CSTPP1: variants seen among roughly 807,000 people sequenced by gnomAD.
CSTPP1 encodes the protein centriolar satellite-associated tubulin polyglutamylase complex regulator 1, also known as UPF0705 protein C11orf49.
chr11:47,069,771 C>G, the CSTPP1 span, among the ~76,000 whole-genome samples: 1 of 151,972 alleles, frequency 6.6e-6, no homozygotes, highest in South Asian at 2.1e-4. Context: ...TGCAGTGGCA[C>G]GATCTCACTC....
At chr11:47,089,558 A>G in the CSTPP1 span, among the ~76,000 whole-genome samples, 1 of 152,256 alleles carries the variant, frequency 6.6e-6, no homozygotes, top group Non-Finnish European at 1.5e-5. Context: ...AGCGGCTGAC[A>G]TGGTAGAACT....
At chr11:47,152,137 C>A in the CSTPP1 span, among the ~76,000 whole-genome samples, 2 of 151,976 alleles carry the variant, frequency 1.3e-5, no homozygotes, top group Non-Finnish European at 2.9e-5. Context: ...GTAATCCCAG[C>A]TGCTAGGGAG....
At chr11:46,985,263 G>C in the CSTPP1 span, among the ~76,000 whole-genome samples, 4,079 of 152,240 alleles carry the variant, frequency 0.027, 171 homozygotes, top group African/African-American at 0.092. Flanking sequence ...GTCAAATGAA[G>C]ACTTTTGGGC....
At chr11:46,997,021 C>T in the CSTPP1 span, among the ~76,000 whole-genome samples, 4 of 152,128 alleles carry the variant, frequency 2.6e-5, no homozygotes, top group East Asian at 5.8e-4. Context: ...ATGAATCTGA[C>T]AATTTTGTGT....
At chr11:47,104,319 A>C in the CSTPP1 span, among the ~76,000 whole-genome samples, 1 of 152,186 alleles carries the variant, frequency 6.6e-6, no homozygotes, top group Non-Finnish European at 1.5e-5. Context: ...TTCAAAATCT[A>C]ACACATTGTC....
the CSTPP1 span, among the ~76,000 whole-genome samples, chr11:46,990,074 C>G: frequency 6.6e-6 from 1 of 152,144 alleles, no homozygotes; most frequent in African/African-American, 2.4e-5. Context: ...GACTCCATGT[C>G]TTTGCTATTG....
At chr11:47,039,039 A>G in the CSTPP1 span, among the ~76,000 whole-genome samples, 1 of 115,896 alleles carries the variant, frequency 8.6e-6, no homozygotes, top group African/African-American at 2.7e-5. Flanking sequence ...CCGGGCAGAG[A>G]CGCTCCTCAC....
At chr11:47,037,146 G>A in the CSTPP1 span, among the ~76,000 whole-genome samples, 86 of 126,462 alleles carry the variant, frequency 6.8e-4, 7 homozygotes, top group African/African-American at 2.0e-3. Flanking sequence ...CAGCTTGAAG[G>A]GCTTCCATGG....
At chr11:47,160,689 A>ATT in the CSTPP1 span, 20 of 154,304 alleles carry the variant, frequency 1.3e-4, no homozygotes, top group South Asian at 4.0e-4. Flanking sequence ...CAGAGGCAGC[A>ATT]TTTTTTTTTT....
the CSTPP1 span, among the ~76,000 whole-genome samples, chr11:47,138,910 G>T: frequency 6.8e-6 from 1 of 146,226 alleles, no homozygotes; most frequent in Non-Finnish European, 1.5e-5. Context: ...AACCTGGGAG[G>T]CGGAGGTTGC....
the CSTPP1 span, among the ~76,000 whole-genome samples, chr11:46,995,410 A>G: frequency 6.6e-6 from 1 of 152,120 alleles, no homozygotes; most frequent in African/African-American, 2.4e-5. Context: ...CCTTGTGGGC[A>G]TTTAGTGCTA....
At chr11:46,938,761 CTT>C in the CSTPP1 span, among the ~76,000 whole-genome samples, 5 of 123,596 alleles carry the variant, frequency 4.0e-5, no homozygotes, top group African/African-American at 1.1e-4. Flanking sequence ...CCATGCACAT[CTT>C]TTTTTTTTTT....
chr11:46,984,082 G>A, the CSTPP1 span, among the ~76,000 whole-genome samples: 21,809 of 152,118 alleles, frequency 0.14, 5,219 homozygotes, highest in African/African-American at 0.5. Flanking sequence ...ATAAATTCAC[G>A]TGGACCCAAA....
chr11:47,028,203 G>A, the CSTPP1 span, among the ~76,000 whole-genome samples: 82 of 152,218 alleles, frequency 5.4e-4, no homozygotes, highest in Middle Eastern at 0.017. Flanking sequence ...GATTACAGGC[G>A]TGAGCCATCA....
the CSTPP1 span, among the ~76,000 whole-genome samples, chr11:47,054,836 A>G: frequency 0.015 from 2,289 of 152,094 alleles, 61 homozygotes; most frequent in African/African-American, 0.053. Context: ...GATGAGAGAG[A>G]AGACCGTGGT....
chr11:47,087,560 A>G, the CSTPP1 span, among the ~76,000 whole-genome samples: 2 of 152,130 alleles, frequency 1.3e-5, no homozygotes, highest in African/African-American at 4.8e-5. Flanking sequence ...TTAGCTGGGC[A>G]TGGTGGTGCG....
the CSTPP1 span, among the ~76,000 whole-genome samples, chr11:46,993,480 C>T: frequency 1.3e-5 from 2 of 151,694 alleles, no homozygotes; most frequent in Non-Finnish European, 2.9e-5. Flanking sequence ...GATCCAGTTT[C>T]AGCTTTCTAC....
At chr11:47,059,847 G>A in the CSTPP1 span, among the ~76,000 whole-genome samples, 301 of 152,306 alleles carry the variant, frequency 2.0e-3, no homozygotes, top group African/African-American at 7.1e-3. Context: ...ACTCATGCCT[G>A]TAATCCCAGC....
At chr11:47,124,619 TTTA>T in the CSTPP1 span, among the ~76,000 whole-genome samples, 2 of 152,190 alleles carry the variant, frequency 1.3e-5, no homozygotes, top group South Asian at 4.1e-4. Context: ...GCCGTGATCA[TTTA>T]TTTATACGTG....
Sources: gnomAD v4.1 joint callset for allele counts (sites outside exome capture counted in the v4.1 genomes callset) on GRCh38, gnomAD v4.1.1 for gene constraint, MANE v1.5 for transcripts, NCBI Gene and HGNC (gene_info 2026-07-23, HGNC 2026-07-21) for gene names.